Variants in MKLN1 observed in about 807,000 individuals in gnomAD.
MKLN1 encodes the protein muskelin 1, also known as muskelin.
MKLN1 carries 18 observed loss-of-function variants against 99.0 expected under a neutral mutation model. The observed-to-expected ratio is 0.18, with a 90% CI of 0.13 to 0.27. MKLN1 has a LOEUF of 0.27. Among genes scored for constraint, MKLN1 ranks in the 10% least tolerant of loss-of-function variants. The pLI is 1.00. For synonymous variants in MKLN1, 288 were observed against 293.2 expected, an observed-to-expected ratio of 0.98 and a Z score of 0.18; for missense variants, 621 against 875.9, an observed-to-expected ratio of 0.71 and a Z score of 3.67.
rs1797339649 is a variant in MKLN1 at position 131,488,265 on chromosome 7, A to T, written c.*537A>T. 6.6e-6 allele frequency: 1 copy of T among 151,912 alleles called. No individual in the cohort carries two copies. Among genetic ancestry groups the T allele is most frequent in the Non-Finnish European group, 1.5e-5 (1 of 67,992 alleles). The allele number at this position is 151,912 out of a possible 1,614,324, so 9.4% of individuals were successfully genotyped here. ...AGTGTATAGTTCTCTAGGACAGTTG[A>T]TGTATGTTAAGGTGATATCTGTGTC... On this transcript the variant is annotated 3_prime_UTR_variant, in exon 18 of 18. Transcript: ENST00000352689.
intron 2 of MKLN1, among the ~76,000 whole-genome samples, chr7:131,153,561 G>T (rs1795919557): frequency 6.6e-6 from 1 of 151,346 alleles, no homozygotes; most frequent in African/African-American, 2.4e-5. Flanking sequence ...CAAAAGAGTA[G>T]AAATAACCCC....
intron 1 of MKLN1, among the ~76,000 whole-genome samples, chr7:131,375,000 C>T (rs1035416282): frequency 2.0e-5 from 3 of 149,532 alleles, no homozygotes; most frequent in African/African-American, 4.9e-5. Context: ...TTGCTATTCA[C>T]AGACATGATC....
rs147631673 is a variant in MKLN1 at position 131,310,827 on chromosome 7, A to T, written c.-178-64597A>T. On this transcript the variant is annotated intron_variant, in intron 3 of 7. Transcript: ENST00000416992. ...TGTATGCAAATAACTAGATTGCCAT[A>T]AAATAAGAGTACTCATGAATAGTTT... 457 of 152,358 alleles carry T rather than the reference A, an allele frequency of 3.0e-3. 1 individual carries two copies. The highest frequency in any genetic ancestry group is 0.01 in the African/African-American group (435 of 41,588). The allele number at this position is 152,358 out of a possible 1,614,324, so 9.4% of individuals were successfully genotyped here.
At chr7:131,413,112 T>C (rs1794925904) in intron 7 of MKLN1, among the ~76,000 whole-genome samples, 1 of 152,184 alleles carries the variant, frequency 6.6e-6, no homozygotes, top group African/African-American at 2.4e-5. Context: ...GTGAATATGC[T>C]TTCTAAATCT....
At chr7:131,410,874 T>C (rs1438673920) in intron 6 of MKLN1, among the ~76,000 whole-genome samples, 2 of 152,164 alleles carry the variant, frequency 1.3e-5, no homozygotes, top group Non-Finnish European at 2.9e-5. Flanking sequence ...TTCAGATTAT[T>C]TATTTTTATT....
intron 3 of MKLN1, among the ~76,000 whole-genome samples, chr7:131,223,237 G>T (rs562962627): frequency 6.6e-6 from 1 of 152,146 alleles, no homozygotes; most frequent in Non-Finnish European, 1.5e-5. Flanking sequence ...TGGTTGGCTG[G>T]AGTCAGGCAA....
chr7:131,327,985 C>T lies in MKLN1; in HGVS notation c.86C>T (p.Thr29Ile), dbSNP rs374260843. The part of the protein sequence containing the change: ...ALHKWSSFSS[T>I]YLPENILVDK... ...CACAAGTGGAGCTCCTTTTCCTCCA[C>T]CTACCTTCCCGAGTAAGTGCCGGGC... Residue 29 changes from threonine to isoleucine, a missense_variant, in exon 1 of 18, where the codon ACC (threonine) becomes ATC (isoleucine). Around this residue, in one of 8 missense-constraint regions of MKLN1, gnomAD observed 58 missense variants for 40.0 expected, o/e 1.45. Coordinates refer to ENST00000352689, the MANE Select transcript of MKLN1 (RefSeq NM_013255.5). 4 of 1,613,906 alleles carry T rather than the reference C, an allele frequency of 2.5e-6. No homozygotes were observed. The highest frequency in any genetic ancestry group is 3.4e-6 in the Non-Finnish European group (4 of 1,179,872).
chr7:131,483,898 T>G (rs1797194731), intron 17 of MKLN1, among the ~76,000 whole-genome samples: 2 of 152,328 alleles, frequency 1.3e-5, no homozygotes, highest in South Asian at 4.1e-4. Flanking sequence ...TACACATGAA[T>G]TTTAGCAAAC....
At chr7:131,441,550 G>A (rs1282765075) in intron 10 of MKLN1, among the ~76,000 whole-genome samples, 1 of 152,030 alleles carries the variant, frequency 6.6e-6, no homozygotes, top group Admixed American at 6.6e-5. Context: ...ATCACACAGA[G>A]TTTAATAAGT....
chr7:131,225,357 A>G (rs1797131404), intron 3 of MKLN1, among the ~76,000 whole-genome samples: 1 of 152,094 alleles, frequency 6.6e-6, no homozygotes, highest in Non-Finnish European at 1.5e-5. Flanking sequence ...GCCCCTCATG[A>G]CCTAATCCCT....
chr7:131,417,840 G>T (rs752740993), intron 8 of MKLN1, among the ~76,000 whole-genome samples: 1 of 152,150 alleles, frequency 6.6e-6, no homozygotes, highest in Non-Finnish European at 1.5e-5. Context: ...GTTACGTCTG[G>T]TGGTACAATT....
chr7:131,197,948 C>A (rs972365780), intron 2 of MKLN1, among the ~76,000 whole-genome samples: 9 of 152,220 alleles, frequency 5.9e-5, no homozygotes, highest in South Asian at 2.1e-4. Flanking sequence ...TGTCCTCCCA[C>A]CTCGGCCTCC....
intron 12 of MKLN1, among the ~76,000 whole-genome samples, chr7:131,448,154 G>A (rs747426118): frequency 4.3e-4 from 65 of 152,294 alleles, no homozygotes; most frequent in Middle Eastern, 3.4e-3. Context: ...CGTGAACCCG[G>A]GAGGTGGAGC....
chr7:131,224,426 A>T (rs1797108088), intron 3 of MKLN1, among the ~76,000 whole-genome samples: 1 of 152,010 alleles, frequency 6.6e-6, no homozygotes, highest in Admixed American at 6.6e-5. Flanking sequence ...AGTGCCTGTA[A>T]TCCCAGCTAC....
At chr7:131,463,106 A>G in intron 12 of MKLN1, 111 bp from the exon 13 acceptor site, 1 of 924,442 alleles carries the variant, frequency 1.1e-6, no homozygotes, top group South Asian at 1.6e-5. Flanking sequence ...CTTGGGCAAC[A>G]GAGTGAAATG....
At chr7:131,461,360 CTG>C (rs1796510327) in intron 12 of MKLN1, among the ~76,000 whole-genome samples, 1 of 151,016 alleles carries the variant, frequency 6.6e-6, no homozygotes, top group Non-Finnish European at 1.5e-5. Flanking sequence ...ACACTAAAGA[CTG>C]TGGCATGAGG....
chr7:131,198,449 G>A (rs770515389), intron 2 of MKLN1, among the ~76,000 whole-genome samples: 10 of 152,092 alleles, frequency 6.6e-5, no homozygotes, highest in African/African-American at 1.2e-4. Context: ...GTATTCCTTC[G>A]GAATGCTTTG....
chr7:131,189,535 CAA>C (rs58453306), intron 2 of MKLN1, among the ~76,000 whole-genome samples: 4 of 129,806 alleles, frequency 3.1e-5, no homozygotes, highest in African/African-American at 5.5e-5. Flanking sequence ...AAAAAACAAA[CAA>C]AAAAAAAAAC....
intron 1 of MKLN1, among the ~76,000 whole-genome samples, chr7:131,336,343 T>C (rs961991266): frequency 2.0e-5 from 3 of 152,030 alleles, no homozygotes; most frequent in African/African-American, 7.2e-5. Context: ...ATATTTGGGG[T>C]CTGTTTCTTG....
Sources: allele counts gnomAD v4.1 joint callset (sites outside exome capture counted in the v4.1 genomes callset), GRCh38; gene constraint gnomAD v4.1.1; regional missense constraint gnomAD v4.1.1; transcripts MANE v1.5; gene names NCBI Gene and HGNC (gene_info 2026-07-23, HGNC 2026-07-21).